Variants in PDK3 observed in about 807,000 individuals in gnomAD.
PDK3 encodes the protein pyruvate dehydrogenase kinase, isozyme 3.
In PDK3, 12 loss-of-function variants were observed where a neutral mutation model predicts 32.0. The observed-to-expected ratio is 0.37, with a 90% CI of 0.24 to 0.61. PDK3 has a LOEUF of 0.61. Among genes scored for constraint, PDK3 ranks in the 20% least tolerant of loss-of-function variants. The pLI is 0.65. For missense variants in PDK3, 188 were observed against 316.9 expected, an observed-to-expected ratio of 0.59 and a Z score of 3.09; for synonymous variants, 122 against 116.3, an observed-to-expected ratio of 1.05 and a Z score of -0.31.
intron 5 of PDK3, among the ~76,000 whole-genome samples, chrX:24,510,819 A>T (rs1922099654): frequency 8.9e-6 from 1 of 111,897 alleles, no homozygotes; most frequent in Non-Finnish European, 1.9e-5. Flanking sequence ...GCCTTACATC[A>T]GTTACTTTTT....
At chrX:24,529,474 G>C (rs1042454165) in intron 9 of PDK3, among the ~76,000 whole-genome samples, 1 of 111,613 alleles carries the variant, frequency 9.0e-6, no homozygotes, top group Non-Finnish European at 1.9e-5. Context: ...TTCTGCTAGT[G>C]GCTCTCCCAG....
chrX:24,465,517 G>A lies in PDK3; in HGVS notation c.62G>A (p.Arg21His), dbSNP rs1940054708. The A allele has an allele frequency of 8.3e-7, 1 of 1,209,499 alleles. No homozygotes were observed. Among genetic ancestry groups the A allele is most frequent in the African/African-American group, 1.7e-5 (1 of 57,976 alleles). Residue 21 changes from arginine to histidine, a missense_variant, in exon 1 of 11, where the codon CGC becomes CAC. Arg to His is a conservative substitution (Grantham distance 29). Transcript: ENST00000379162. ...CCCAAGCAGATCGAGCGCTACTCGC[G>A]CTTTTCGCCGTCGCCGCTCTCCATC... ...PVPKQIERYS[R>H]FSPSPLSIKQ... is the part of the protein sequence containing the mutation.
At chrX:24,524,272 T>C (rs184386898) in intron 6 of PDK3, among the ~76,000 whole-genome samples, 8 of 112,229 alleles carry the variant, frequency 7.1e-5, no homozygotes, top group Admixed American at 1.9e-4. Flanking sequence ...AGCAATTGAT[T>C]CTAATTTGAA....
chrX:24,511,166 A>G (rs983836383), intron 5 of PDK3, among the ~76,000 whole-genome samples: 2 of 111,849 alleles, frequency 1.8e-5, no homozygotes, highest in Non-Finnish European at 3.8e-5. Context: ...CTTCTTACCA[A>G]TCCCTGCCAA....
chrX:24,534,703 C>T (rs933140979), downstream of PDK3, among the ~76,000 whole-genome samples: 61 of 112,392 alleles, frequency 5.4e-4, 1 homozygote, highest in Non-Finnish European at 2.3e-4. Context: ...AATCCCAACA[C>T]TTTGGGAGGC....
chrX:24,477,610 A>G (rs1475664467), intron 1 of PDK3, among the ~76,000 whole-genome samples: 1 of 111,350 alleles, frequency 9.0e-6, no homozygotes, highest in African/African-American at 3.3e-5. Flanking sequence ...GAGTTTTCAT[A>G]TGCTCAGTGT....
intron 9 of PDK3, among the ~76,000 whole-genome samples, chrX:24,528,767 T>G (rs1259305182): frequency 3.6e-5 from 4 of 112,539 alleles, no homozygotes; most frequent in Non-Finnish European, 5.6e-5. Context: ...CCTTCAGCCC[T>G]GTTAAGGCAG....
At chrX:24,538,542 G>T (rs1922825472), downstream of PDK3, among the ~76,000 whole-genome samples, 1 of 112,061 alleles carries the variant, frequency 8.9e-6, no homozygotes, top group African/African-American at 3.2e-5. Context: ...ACTTTGGGAG[G>T]CCATGGCGGG....
Position 24,471,272 on chromosome X carries a change from C to T in PDK3, c.106+5711C>T, listed in dbSNP as rs1183909742. Among the ~76,000 whole-genome samples the T allele has an allele frequency of 6.2e-5, 7 of 112,430 alleles. No individual in the cohort carries two copies. In the Admixed American group the frequency reaches 6.6e-4, roughly 11 times the overall value. ...GTTTAAGGTTAGTTATTCCTCTGAGCACTGCTTTAGCAGCTGATGTGTGTA... is the reference window on the plus strand; with the variant it reads ...GTTTAAGGTTAGTTATTCCTCTGAGTACTGCTTTAGCAGCTGATGTGTGTA... On this transcript the variant is annotated intron_variant, in intron 1 of 10. Transcript: ENST00000379162.
At chrX:24,472,126 G>A (rs966393417) in intron 1 of PDK3, among the ~76,000 whole-genome samples, 1 of 111,189 alleles carries the variant, frequency 9.0e-6, no homozygotes, top group Non-Finnish European at 1.9e-5. Context: ...TTATATATTT[G>A]CTTTGTTTTG....
At chrX:24,474,571 G>A (rs1036296532) in intron 1 of PDK3, among the ~76,000 whole-genome samples, 2 of 109,383 alleles carry the variant, frequency 1.8e-5, no homozygotes, top group Non-Finnish European at 3.8e-5. Context: ...GCGCCACCAC[G>A]CCCGGCTAAT....
intron 3 of PDK3, among the ~76,000 whole-genome samples, chrX:24,501,208 C>T (rs960144328): frequency 1.8e-5 from 2 of 111,434 alleles, no homozygotes; most frequent in Non-Finnish European, 3.8e-5. Context: ...GTGCTTTTCC[C>T]TAGGCATGCA....
At chrX:24,523,897 G>A (rs769891528) in intron 6 of PDK3, among the ~76,000 whole-genome samples, 28 of 111,735 alleles carry the variant, frequency 2.5e-4, no homozygotes, top group Non-Finnish European at 3.2e-4. Flanking sequence ...CAGTGAATCC[G>A]GTTCTTCATT....
intron 1 of PDK3, among the ~76,000 whole-genome samples, chrX:24,477,091 T>C (rs1191867227): frequency 8.9e-6 from 1 of 111,808 alleles, no homozygotes; most frequent in Non-Finnish European, 1.9e-5. Context: ...GGTAATCGGG[T>C]GGTTTACCTA....
At chrX:24,477,946 A>G (rs1921151871) in intron 1 of PDK3, among the ~76,000 whole-genome samples, 1 of 112,158 alleles carries the variant, frequency 8.9e-6, no homozygotes, top group Admixed American at 9.5e-5. Context: ...TAACTTTGTA[A>G]TTTATGTTGA....
At chrX:24,473,247 G>A (rs1037671772) in intron 1 of PDK3, among the ~76,000 whole-genome samples, 43 of 104,644 alleles carry the variant, frequency 4.1e-4, no homozygotes, top group Non-Finnish European at 2.7e-4. Context: ...GGTGGTGGGC[G>A]CCTATAGTCC....
intron 9 of PDK3, among the ~76,000 whole-genome samples, chrX:24,529,454 G>A (rs930096900): frequency 2.7e-5 from 3 of 111,515 alleles, no homozygotes; most frequent in Admixed American, 9.6e-5. Flanking sequence ...CTACGTGGCC[G>A]AAGAAATGCT....
chrX:24,502,634 A>G (rs1368892530), intron 3 of PDK3, among the ~76,000 whole-genome samples: 1 of 111,850 alleles, frequency 8.9e-6, no homozygotes, highest in Admixed American at 9.5e-5. Flanking sequence ...TCACGAGGTC[A>G]GGAGTTCAAG....
At chrX:24,505,095 A>G in intron 4 of PDK3, 114 bp from the exon 5 acceptor site, 1 of 463,484 alleles carries the variant, frequency 2.2e-6, no homozygotes, top group Admixed American at 4.1e-5. Flanking sequence ...TGGATGCTAA[A>G]ATGATTTTTA....
Sources: allele counts gnomAD v4.1 joint callset (sites outside exome capture counted in the v4.1 genomes callset), GRCh38; gene constraint gnomAD v4.1.1; transcripts MANE v1.5; gene names NCBI Gene and HGNC (gene_info 2026-07-23, HGNC 2026-07-21).